TRPM3: variants seen among roughly 807,000 people sequenced by gnomAD.
TRPM3 encodes the protein long transient receptor potential channel 3.
Under a neutral mutation model 181.2 loss-of-function variants are expected in TRPM3, and 77 were observed. The ratio of observed to expected loss-of-function variants is 0.42; its 90% CI spans 0.35 to 0.51. The LOEUF (loss-of-function observed/expected upper bound fraction) is 0.51. Ranked by LOEUF, TRPM3 falls within the 20% of genes least tolerant of loss-of-function variation. The pLI is 0.01. For synonymous variants in TRPM3, 745 were observed against 796.4 expected (o/e 0.94, Z 1.09); for missense variants, 1,759 against 2,196.7 (o/e 0.80, Z 3.98).
At chr9:70,544,179 T>A (rs1288544762) in intron 25 of TRPM3, among the ~76,000 whole-genome samples, 1 of 151,922 alleles carries the variant, frequency 6.6e-6, no homozygotes, top group African/African-American at 2.4e-5. Flanking sequence ...TGCCAGAAAA[T>A]TGGAGATAGA....
intron 1 of TRPM3, among the ~76,000 whole-genome samples, chr9:70,947,986 T>C (rs2096954080): frequency 6.6e-6 from 1 of 152,198 alleles, no homozygotes; most frequent in African/African-American, 2.4e-5. Flanking sequence ...AAATTGTTCC[T>C]GTTTTTCTGT....
At chr9:71,211,836 G>A (rs988015457) in intron 1 of TRPM3, among the ~76,000 whole-genome samples, 3 of 152,108 alleles carry the variant, frequency 2.0e-5, no homozygotes, top group Non-Finnish European at 2.9e-5. Context: ...GCAATGATCC[G>A]ATTTCCAAAT....
chr9:70,990,360 T>G (rs2097466533), intron 1 of TRPM3, among the ~76,000 whole-genome samples: 1 of 152,108 alleles, frequency 6.6e-6, no homozygotes, highest in African/African-American at 2.4e-5. Flanking sequence ...GCAGTAAAAA[T>G]GAATGAGATT....
At chr9:70,975,819 A>G (rs543576623) in intron 1 of TRPM3, among the ~76,000 whole-genome samples, 100 of 152,364 alleles carry the variant, frequency 6.6e-4, no homozygotes, top group African/African-American at 2.3e-3. Flanking sequence ...TCTGTCATCT[A>G]TTAGCTGTGC....
intron 1 of TRPM3, among the ~76,000 whole-genome samples, chr9:71,434,019 C>T (rs893089823): frequency 2.6e-5 from 4 of 151,970 alleles, no homozygotes; most frequent in African/African-American, 7.3e-5. Context: ...ATTAGCCAGG[C>T]GTGGTGGCGC....
chr9:71,143,808 A>C (rs926138337), intron 1 of TRPM3, among the ~76,000 whole-genome samples: 1 of 152,134 alleles, frequency 6.6e-6, no homozygotes, highest in Non-Finnish European at 1.5e-5. Flanking sequence ...TCTCACCAAC[A>C]GTGTATAAGC....
intron 1 of TRPM3, among the ~76,000 whole-genome samples, chr9:71,380,843 A>G (rs1000020072): frequency 6.6e-6 from 1 of 152,100 alleles, no homozygotes; most frequent in Non-Finnish European, 1.5e-5. Flanking sequence ...AGCTCTCAGC[A>G]TCTTGACTCA....
chr9:70,932,244 T>C (rs146816788), intron 1 of TRPM3, among the ~76,000 whole-genome samples: 24 of 152,256 alleles, frequency 1.6e-4, no homozygotes, highest in Middle Eastern at 3.4e-3. Flanking sequence ...GTTTTTTCTT[T>C]AGACTGATTG....
At chr9:70,965,978 G>A (rs1242587952) in intron 1 of TRPM3, among the ~76,000 whole-genome samples, 1 of 148,490 alleles carries the variant, frequency 6.7e-6, no homozygotes, top group Non-Finnish European at 1.5e-5. Flanking sequence ...GAAAACTTTT[G>A]AAAACTATGC....
intron 1 of TRPM3, among the ~76,000 whole-genome samples, chr9:71,062,601 C>T (rs2061454564): frequency 6.6e-6 from 1 of 152,078 alleles, no homozygotes; most frequent in South Asian, 2.1e-4. Flanking sequence ...ATACTTACTG[C>T]TATGAATTTA....
intron 1 of TRPM3, among the ~76,000 whole-genome samples, chr9:71,021,549 T>C (rs585865): frequency 0.28 from 42,616 of 152,122 alleles, 6,126 homozygotes; most frequent in East Asian, 0.33. Flanking sequence ...TGAGATCTTT[T>C]TCAATTTTAA....
chr9:70,845,932 C>T (rs762338135), intron 4 of TRPM3, among the ~76,000 whole-genome samples: 2 of 152,164 alleles, frequency 1.3e-5, no homozygotes, highest in African/African-American at 4.8e-5. Context: ...AAACAATAAA[C>T]ACGTAATGCC....
At chr9:70,889,684 G>T (rs999537323) in intron 1 of TRPM3, among the ~76,000 whole-genome samples, 1 of 152,074 alleles carries the variant, frequency 6.6e-6, no homozygotes, top group Non-Finnish European at 1.5e-5. Context: ...TTCCCAATCT[G>T]CATTTTAATG....
intron 1 of TRPM3, among the ~76,000 whole-genome samples, chr9:71,209,379 G>A (rs867757502): frequency 3.6e-5 from 1 of 27,966 alleles, no homozygotes; most frequent in South Asian, 2.8e-3. Flanking sequence ...GGGGAGAAGA[G>A]GGGGTAGGGA....
chr9:71,067,052 T>C (rs1394445190), intron 1 of TRPM3, among the ~76,000 whole-genome samples: 2 of 90,676 alleles, frequency 2.2e-5, no homozygotes, highest in Non-Finnish European at 2.9e-5. Flanking sequence ...TACAGTTCTG[T>C]CAGCTCTTGA....
chr9:71,322,265 C>T lies in TRPM3; in HGVS notation c.183+124388G>A, dbSNP rs576065531. Among the ~76,000 whole-genome samples the T allele has an allele frequency of 3.3e-5, 5 of 152,160 alleles. No homozygotes were observed. In the South Asian group the frequency reaches 6.2e-4, roughly 19 times the overall value. On this transcript the variant is annotated intron_variant, in intron 1 of 24. Transcript: ENST00000357533. ...CCCTAAAGATTTTAGATCTCCCTAACGGTATGTTAACTGAATGTTAGCCTG... is the reference window on the plus strand; with the variant it reads ...CCCTAAAGATTTTAGATCTCCCTAATGGTATGTTAACTGAATGTTAGCCTG...
At chr9:70,969,669 T>C (rs932697929) in intron 1 of TRPM3, among the ~76,000 whole-genome samples, 4 of 150,706 alleles carry the variant, frequency 2.7e-5, no homozygotes, top group African/African-American at 9.7e-5. Context: ...ATTGTGTGAT[T>C]TAACCACTTT....
At chr9:71,413,221 A>G (rs1277765311) in intron 1 of TRPM3, among the ~76,000 whole-genome samples, 1 of 152,172 alleles carries the variant, frequency 6.6e-6, no homozygotes, top group Non-Finnish European at 1.5e-5. Context: ...TGTTGTGTAC[A>G]TATACCCTAG....
intron 1 of TRPM3, among the ~76,000 whole-genome samples, chr9:71,310,966 A>T (rs1282035399): frequency 2.0e-5 from 3 of 152,140 alleles, no homozygotes; most frequent in Admixed American, 6.6e-5. Flanking sequence ...TAAATTTCTC[A>T]ATCTGTTCCT....
Sources: gnomAD v4.1 joint callset for allele counts (sites outside exome capture counted in the v4.1 genomes callset) on GRCh38, gnomAD v4.1.1 for gene constraint, MANE v1.5 for transcripts, NCBI Gene and HGNC (gene_info 2026-07-23, HGNC 2026-07-21) for gene names.